The following FBXO4 variants were observed in gnomAD, a reference collection of about 807,000 sequenced individuals.
FBXO4 encodes the protein F-box protein 4.
In FBXO4, 36 loss-of-function variants were observed where a neutral mutation model predicts 43.7. That is an observed-to-expected ratio of 0.82 (90% CI 0.63 to 1.09). The LOEUF (loss-of-function observed/expected upper bound fraction) is 1.09, where lower values mean the gene tolerates loss of function less well. Among genes scored for constraint, FBXO4 ranks in the 50% least tolerant of loss-of-function variants. FBXO4 has a pLI of 0.00. For missense variants in FBXO4, 435 were observed against 474.1 expected, an observed-to-expected ratio of 0.92 and a Z score of 0.77; for synonymous variants, 180 against 165.6, an observed-to-expected ratio of 1.09 and a Z score of -0.67.
the FBXO4 span, among the ~76,000 whole-genome samples, chr5:41,961,248 A>G: frequency 6.6e-6 from 1 of 152,078 alleles, no homozygotes; most frequent in Non-Finnish European, 1.5e-5. Flanking sequence ...AGTGAAAGTC[A>G]TTGCAGTGTT....
chr5:42,009,375 ATGTG>A, the FBXO4 span, among the ~76,000 whole-genome samples: 12,592 of 143,110 alleles, frequency 0.088, 605 homozygotes, highest in East Asian at 0.16. Context: ...GTGTGTGTGT[ATGTG>A]TGTGTGTGTG....
the FBXO4 span, among the ~76,000 whole-genome samples, chr5:42,000,291 G>A: frequency 6.6e-6 from 1 of 152,128 alleles, no homozygotes; most frequent in Admixed American, 6.5e-5. Flanking sequence ...ACATGGGGAA[G>A]GGATAAGGCA....
chr5:41,999,525 A>ATG, the FBXO4 span, among the ~76,000 whole-genome samples: 5 of 109,610 alleles, frequency 4.6e-5, no homozygotes, highest in African/African-American at 1.4e-4. Flanking sequence ...ATATATATAC[A>ATG]TATATATATA....
At chr5:41,989,887 T>C in the FBXO4 span, among the ~76,000 whole-genome samples, 1 of 152,152 alleles carries the variant, frequency 6.6e-6, no homozygotes, top group Non-Finnish European at 1.5e-5. Flanking sequence ...ATTTAGCAGT[T>C]TAAGATTTTG....
At chr5:42,018,947 G>C in the FBXO4 span, among the ~76,000 whole-genome samples, 1 of 152,154 alleles carries the variant, frequency 6.6e-6, no homozygotes, top group Non-Finnish European at 1.5e-5. Flanking sequence ...TCAGCATCTT[G>C]TCATTCAGTG....
At chr5:41,949,475 GA>G in the FBXO4 span, among the ~76,000 whole-genome samples, 1 of 152,144 alleles carries the variant, frequency 6.6e-6, no homozygotes, top group Non-Finnish European at 1.5e-5. Flanking sequence ...TTGCTTCAAA[GA>G]GAATAAAATA....
chr5:41,957,050 T>C, the FBXO4 span, among the ~76,000 whole-genome samples: 5 of 152,116 alleles, frequency 3.3e-5, no homozygotes, highest in Non-Finnish European at 7.4e-5. Context: ...ATGATTTCTA[T>C]ATTGTAGGGC....
At chr5:41,999,503 ATGTG>A in the FBXO4 span, among the ~76,000 whole-genome samples, 1,633 of 67,480 alleles carry the variant, frequency 0.024, 64 homozygotes, top group African/African-American at 0.098. Context: ...ACATATATAT[ATGTG>A]TATATATATA....
intron 5 of FBXO4, chr5:41,934,806 A>C: frequency 1.0e-6 from 1 of 992,524 alleles, no homozygotes; most frequent in Non-Finnish European, 1.2e-6. Context: ...TGAGAACACT[A>C]TTCATATATT....
At chr5:42,035,299 T>C in the FBXO4 span, among the ~76,000 whole-genome samples, 1 of 152,130 alleles carries the variant, frequency 6.6e-6, no homozygotes, top group African/African-American at 2.4e-5. Context: ...CTCTTCCTAT[T>C]TGAATACGCT....
the FBXO4 span, among the ~76,000 whole-genome samples, chr5:42,019,709 C>T: frequency 4.0e-5 from 6 of 150,052 alleles, no homozygotes; most frequent in African/African-American, 1.5e-4. Flanking sequence ...AAAAAAAAAC[C>T]AAGAAAGAAA....
chr5:42,013,551 C>T, the FBXO4 span, among the ~76,000 whole-genome samples: 5 of 152,212 alleles, frequency 3.3e-5, no homozygotes, highest in Non-Finnish European at 7.3e-5. Context: ...TCAGTCGCTA[C>T]ACACTCTGGT....
chr5:42,011,088 A>G, the FBXO4 span, among the ~76,000 whole-genome samples: 10 of 152,184 alleles, frequency 6.6e-5, no homozygotes, highest in African/African-American at 2.4e-4. Context: ...CATGTGTTCT[A>G]TCCTGATGGG....
the FBXO4 span, among the ~76,000 whole-genome samples, chr5:41,984,574 A>G: frequency 6.6e-6 from 1 of 152,196 alleles, no homozygotes; most frequent in Non-Finnish European, 1.5e-5. Context: ...TTTATGTCAG[A>G]AACAATTAGC....
At chr5:41,939,650 T>C in intron 6 of FBXO4, 34 bp downstream of exon 6, 1 of 1,497,266 alleles carries the variant, frequency 6.7e-7, no homozygotes, top group Non-Finnish European at 9.0e-7. Context: ...ACAAAAATTT[T>C]ATTTTGCACT....
the FBXO4 span, among the ~76,000 whole-genome samples, chr5:41,989,672 C>T: frequency 3.9e-5 from 6 of 152,050 alleles, no homozygotes; most frequent in Non-Finnish European, 5.9e-5. Flanking sequence ...TTATATTTGT[C>T]GAATTGCTCA....
chr5:41,993,349 A>C, the FBXO4 span, among the ~76,000 whole-genome samples: 6 of 152,130 alleles, frequency 3.9e-5, no homozygotes, highest in African/African-American at 9.7e-5. Context: ...CATGTATTTA[A>C]AGTGTAGAAG....
the FBXO4 span, among the ~76,000 whole-genome samples, chr5:41,992,558 T>C: frequency 6.6e-6 from 1 of 152,186 alleles, no homozygotes; most frequent in Non-Finnish European, 1.5e-5. Flanking sequence ...GGAAGGCAAA[T>C]GGTAGACTGC....
At position 41,939,631 on chromosome 5, in the gene FBXO4, A is replaced by G. The variant is rs779470732; in HGVS notation, c.1074+15A>G. ...ACCCATGGCTGGTAAGATCATTTATACTCTAGTGACAAAAATTTTATTTTG... is the reference window on the plus strand; with the variant it reads ...ACCCATGGCTGGTAAGATCATTTATGCTCTAGTGACAAAAATTTTATTTTG... On this transcript the variant is annotated intron_variant, in intron 6 of 6. Transcript: ENST00000281623. The G allele has an allele frequency of 1.3e-6, 2 of 1,556,814 alleles. No homozygotes were observed. The highest frequency in any genetic ancestry group is 1.7e-6 in the Non-Finnish European group (2 of 1,151,746).
Sources: allele counts gnomAD v4.1 joint callset (sites outside exome capture counted in the v4.1 genomes callset), GRCh38; gene constraint gnomAD v4.1.1; transcripts MANE v1.5; gene names NCBI Gene and HGNC (gene_info 2026-07-23, HGNC 2026-07-21).